Variants in CEACAM1 observed in about 807,000 individuals in gnomAD.
CEACAM1 encodes the protein CEA cell adhesion molecule 1.
CEACAM1 carries 31 observed loss-of-function variants against 49.1 expected under a neutral mutation model. That is an observed-to-expected ratio of 0.63 (90% CI 0.47 to 0.85). CEACAM1 has a LOEUF of 0.85. Ranked by LOEUF, CEACAM1 falls within the 40% of genes least tolerant of loss-of-function variation. The pLI is 0.00. For synonymous variants in CEACAM1, 244 were observed against 247.8 expected (o/e 0.98, Z 0.14); for missense variants, 570 against 645.3 (o/e 0.88, Z 1.26).
At chr19:42,515,252 C>G in intron 5 of CEACAM1, 4 of 448,702 alleles carry the variant, frequency 8.9e-6, no homozygotes, top group Non-Finnish European at 1.6e-5. Context: ...GACAGAGTGA[C>G]ACCCTGTCTC....
chr19:42,516,730 C>A (rs1036107978), intron 5 of CEACAM1: 21 of 207,004 alleles, frequency 1.0e-4, no homozygotes, highest in Non-Finnish European at 1.9e-4. Flanking sequence ...GCTCACACTT[C>A]CTGGTTTCAA....
chr19:42,520,706 G>C (rs2041721917), intron 4 of CEACAM1: 1 of 154,356 alleles, frequency 6.5e-6, no homozygotes, highest in South Asian at 2.0e-4. Flanking sequence ...ATTCATGACA[G>C]GCCACCTGGA....
intron 5 of CEACAM1, among the ~76,000 whole-genome samples, chr19:42,514,553 C>T (rs1224004605): frequency 6.6e-6 from 1 of 152,238 alleles, no homozygotes; most frequent in East Asian, 1.9e-4. Flanking sequence ...GTTGGGATTA[C>T]AGGTGTGAGC....
At chr19:42,525,267 C>T (rs1306854491) in intron 2 of CEACAM1, among the ~76,000 whole-genome samples, 9 of 150,474 alleles carry the variant, frequency 6.0e-5, no homozygotes, top group Admixed American at 6.0e-4. Context: ...CTCTGTCTCC[C>T]AGGCTGGAGC....
At chr19:42,527,013 C>G in intron 2 of CEACAM1, 28 bp downstream of exon 2, 5 of 1,577,032 alleles carry the variant, frequency 3.2e-6, no homozygotes, top group Non-Finnish European at 3.4e-6. Flanking sequence ...AACCCCCCAA[C>G]ACCCAGAGGT....
In CEACAM1 at chr19:42,518,255, A is replaced by C. The variant is rs558869571; in HGVS notation, c.1246+693T>G. Among the ~76,000 whole-genome samples, 28 of 152,148 alleles carry C rather than the reference A, an allele frequency of 1.8e-4. No homozygotes were observed. In the East Asian group the frequency reaches 5.4e-3, roughly 30 times the overall value. On this transcript the variant is annotated intron_variant, in intron 5 of 8. Transcript: ENST00000161559. ...CAGTGAAACCCCAACTCTACAAAAA[A>C]ACTTAAAAACTTAGCCAGGCATGGT...
chr19:42,521,103 G>A, intron 4 of CEACAM1, 164 bp downstream of exon 4: 4 of 761,066 alleles, frequency 5.3e-6, no homozygotes, highest in Non-Finnish European at 8.8e-6. Flanking sequence ...AAAACAAAGG[G>A]AAGAGAGTCT....
rs1470423457 is a variant in CEACAM1 at position 42,507,703 on chromosome 19, G to T, written c.*1406C>A. On this transcript the variant is annotated 3_prime_UTR_variant, in exon 9 of 9. Transcript: ENST00000161559. ...TAAATTTCAGAGGCTGTTAAAAGAG[G>T]CTAGGCCTAAGTTATAATCCTCCTC... 6.6e-6 allele frequency: 1 copy of T among 152,194 alleles called. No individual in the cohort carries two copies. The highest frequency in any genetic ancestry group is 1.5e-5 in the Non-Finnish European group (1 of 68,042). The allele number at this position is 152,194 out of a possible 1,614,324, so 9.4% of individuals were successfully genotyped here.
intron 3 of CEACAM1, 72 bp from the exon 4 acceptor site, chr19:42,521,593 C>T (rs147713507): frequency 1.3e-6 from 2 of 1,567,026 alleles, no homozygotes; most frequent in Non-Finnish European, 1.7e-6. Flanking sequence ...TGGAGAAGGG[C>T]CACAGTGTTC....
At chr19:42,514,203 C>G (rs986335854) in intron 5 of CEACAM1, among the ~76,000 whole-genome samples, 12 of 150,354 alleles carry the variant, frequency 8.0e-5, no homozygotes, top group African/African-American at 3.0e-4. Context: ...GTGATCTCGG[C>G]TCACTGCAAC....
Position 42,521,998 on chromosome 19 carries a change from G to A in CEACAM1, c.629C>T (p.Thr210Ile). 6.2e-7 allele frequency: 1 copy of A among 1,614,270 alleles called. No individual in the cohort carries two copies. Among genetic ancestry groups the A allele is most frequent in the Non-Finnish European group, 8.5e-7 (1 of 1,180,052 alleles). The change falls in exon 3 of 9, where the codon ACA (threonine) becomes ATA (isoleucine). Residue 210 changes from threonine (T) to isoleucine (I), a missense_variant. Thr to Ile is a moderately conservative substitution (Grantham distance 89, BLOSUM62 -1). Transcript: ENST00000161559. Reference sequence around the variant, plus strand: ...CTGTATTTCACACTCATAGGGTCCTGTGTCATTCCTTGTGACACTGAGTAG... The same window carrying A: ...CTGTATTTCACACTCATAGGGTCCTATGTCATTCCTTGTGACACTGAGTAG... ...LTLLSVTRNDTGPYECEIQNP... is the reference protein window; with the variant it reads ...LTLLSVTRNDIGPYECEIQNP...
At chr19:42,519,511 T>A (rs990947743) in intron 4 of CEACAM1, 4 of 406,148 alleles carry the variant, frequency 9.8e-6, no homozygotes, top group Non-Finnish European at 1.3e-5. Flanking sequence ...ACTTGGAATC[T>A]TCTTCTCAGC....
At chr19:42,524,276 A>G (rs934809812) in intron 2 of CEACAM1, among the ~76,000 whole-genome samples, 8 of 152,182 alleles carry the variant, frequency 5.3e-5, no homozygotes, top group Non-Finnish European at 1.0e-4. Context: ...ATCAGACAGC[A>G]CCTGCCTGGC....
chr19:42,511,631 A>C lies in CEACAM1; in HGVS notation c.1377-3T>G. On this transcript the variant is annotated splice_region_variant and splice_polypyrimidine_tract_variant and intron_variant, in intron 6 of 8. Coordinates refer to ENST00000161559, the MANE Select transcript of CEACAM1 (RefSeq NM_001712.5). ...TGAGATCACGCTGGTCGCTTGCCCT[A>C]AATAAATATCAGAAACTGTGACTGC... 6.2e-7 allele frequency: 1 copy of C among 1,613,826 alleles called. No individual in the cohort carries two copies. Among genetic ancestry groups the C allele is most frequent in the Non-Finnish European group, 8.5e-7 (1 of 1,179,828 alleles).
In CEACAM1 at chr19:42,509,246, T is replaced by C. The variant is rs1329864269; in HGVS notation, c.1462-18A>G. On this transcript the variant is annotated intron_variant, in intron 8 of 8. Coordinates refer to ENST00000161559, the MANE Select transcript of CEACAM1 (RefSeq NM_001712.5). Reference sequence around the variant, plus strand: ...TCATTCATCTGAAAAGCACAAATAATGATCAGTTAAGTCAGTGACACAGGG... The same window carrying C: ...TCATTCATCTGAAAAGCACAAATAACGATCAGTTAAGTCAGTGACACAGGG... 5 of 1,595,290 alleles carry C rather than the reference T, an allele frequency of 3.1e-6. No homozygotes were observed. Among genetic ancestry groups the C allele is most frequent in the Non-Finnish European group, 2.6e-6 (3 of 1,170,930 alleles).
intron 8 of CEACAM1, among the ~76,000 whole-genome samples, chr19:42,509,739 G>C (rs2041410667): frequency 6.6e-6 from 1 of 152,006 alleles, no homozygotes; most frequent in South Asian, 2.1e-4. Flanking sequence ...CGATGCTCCT[G>C]TCTCAGCCTC....
chr19:42,526,065 C>T (rs780652658), intron 2 of CEACAM1, among the ~76,000 whole-genome samples: 5 of 152,100 alleles, frequency 3.3e-5, no homozygotes, highest in Non-Finnish European at 5.9e-5. Context: ...AAGCAATTCT[C>T]CTGCCTCAGC....
chr19:42,511,658 A>G (rs372343303), intron 6 of CEACAM1, 30 bp from the exon 7 acceptor site: 3 of 1,607,768 alleles, frequency 1.9e-6, no homozygotes, highest in Admixed American at 1.7e-5. Flanking sequence ...TGTGACTGCT[A>G]TTCCCAAGCA....
At chr19:42,518,610 G>A (rs934018299) in intron 5 of CEACAM1, 3 of 268,982 alleles carry the variant, frequency 1.1e-5, no homozygotes, top group African/African-American at 2.4e-5. Context: ...CCATTCTCCC[G>A]CCTCAGCCTC....
Sources: allele counts gnomAD v4.1 joint callset (sites outside exome capture counted in the v4.1 genomes callset), GRCh38; gene constraint gnomAD v4.1.1; transcripts MANE v1.5; gene names NCBI Gene and HGNC (gene_info 2026-07-23, HGNC 2026-07-21).